Variants in TMEM132B observed in about 807,000 individuals in gnomAD.
TMEM132B encodes transmembrane protein 132B.
A neutral mutation model predicts 90.8 loss-of-function variants in TMEM132B; 18 were observed. The observed-to-expected ratio is 0.20, with a 90% CI of 0.14 to 0.29. The LOEUF is 0.29. TMEM132B is among the 10% of genes least tolerant of loss of function. TMEM132B has a pLI of 1.00. For synonymous variants in TMEM132B, 504 were observed against 523.3 expected, an observed-to-expected ratio of 0.96 and a Z score of 0.50; for missense variants, 1,096 against 1,326.8, an observed-to-expected ratio of 0.83 and a Z score of 2.70.
At chr12:125,197,489 C>T (rs79020237) in intron 1 of TMEM132B, among the ~76,000 whole-genome samples, 5,953 of 152,260 alleles carry the variant, frequency 0.039, 156 homozygotes, top group African/African-American at 0.065. Flanking sequence ...CCATAGGCCA[C>T]GGACCAAATT....
chr12:125,378,458 T>C (rs1335923715), intron 2 of TMEM132B, among the ~76,000 whole-genome samples: 1 of 152,202 alleles, frequency 6.6e-6, no homozygotes, highest in Non-Finnish European at 1.5e-5. Flanking sequence ...GAGGTAGCTG[T>C]TCTCTGGGCC....
rs186276204 is a variant in TMEM132B at position 125,286,157 on chromosome 12, C to T, written c.68-63295C>T. ...CAGGGATTATTTTATCTTTGTTTGG[C>T]GGATGAGAAGAGAGAAGCACAGAGA... is the stretch of plus-strand genomic sequence containing the variant. On this transcript the variant is annotated intron_variant, in intron 1 of 8. Coordinates refer to ENST00000682704, the MANE Select transcript of TMEM132B (RefSeq NM_001366854.1). Among the ~76,000 whole-genome samples, 66 of 152,328 alleles carry T rather than the reference C, an allele frequency of 4.3e-4. 1 individual carries two copies. The East Asian group carries it at 8.9e-3, about 20-fold the overall frequency.
chr12:125,427,943 G>A (rs1035246991), intron 3 of TMEM132B, among the ~76,000 whole-genome samples: 1 of 152,236 alleles, frequency 6.6e-6, no homozygotes, highest in African/African-American at 2.4e-5. Context: ...TTCTGATGGG[G>A]TGTTGAAGAA....
At chr12:125,644,303 T>C (rs1366006409) in intron 6 of TMEM132B, 22 bp downstream of exon 6, 2 of 1,612,810 alleles carry the variant, frequency 1.2e-6, no homozygotes, top group Admixed American at 1.7e-5. Flanking sequence ...AAGAGAAGGC[T>C]GTGGATCCGA....
intron 4 of TMEM132B, among the ~76,000 whole-genome samples, chr12:125,565,604 G>A (rs1165327627): frequency 6.6e-6 from 1 of 152,224 alleles, no homozygotes; most frequent in African/African-American, 2.4e-5. Flanking sequence ...CAGGATGGGT[G>A]GGGAGCTGGA....
At chr12:125,342,212 G>A (rs1877205483) in intron 1 of TMEM132B, among the ~76,000 whole-genome samples, 1 of 152,126 alleles carries the variant, frequency 6.6e-6, no homozygotes, top group Admixed American at 6.5e-5. Context: ...GGACCAAGAA[G>A]GAATTATGGA....
intron 1 of TMEM132B, among the ~76,000 whole-genome samples, chr12:125,347,615 T>G (rs1480818222): frequency 6.6e-6 from 1 of 152,256 alleles, no homozygotes; most frequent in African/African-American, 2.4e-5. Flanking sequence ...GGGATTTCTC[T>G]GCTGTTTCCT....
intron 5 of TMEM132B, among the ~76,000 whole-genome samples, chr12:125,589,679 C>T (rs1437441389): frequency 6.6e-6 from 1 of 151,952 alleles, no homozygotes; most frequent in Non-Finnish European, 1.5e-5. Context: ...ATGGCAGGAG[C>T]AGGAGCAAGC....
intron 1 of TMEM132B, among the ~76,000 whole-genome samples, chr12:125,293,439 A>C (rs4765038): frequency 0.76 from 115,616 of 152,090 alleles, 44,198 homozygotes; most frequent in East Asian, 0.81. Flanking sequence ...GTTTTTCAGC[A>C]ATTGTTCCTC....
intron 1 of TMEM132B, among the ~76,000 whole-genome samples, chr12:125,254,467 GGTTTTGCTTGTAAGTT>G: frequency 6.6e-6 from 1 of 152,102 alleles, no homozygotes; most frequent in Non-Finnish European, 1.5e-5. Context: ...GTTTCCTTGA[GGTTTTGCTTGTAAGTT>G]GGTTAGTTTT....
chr12:125,628,891 T>G (rs903778271), intron 5 of TMEM132B, among the ~76,000 whole-genome samples: 2 of 152,196 alleles, frequency 1.3e-5, no homozygotes, highest in African/African-American at 4.8e-5. Context: ...CCCAGCACCA[T>G]TTATTGAAGA....
intron 3 of TMEM132B, among the ~76,000 whole-genome samples, chr12:125,515,246 T>TCA (rs144097093): frequency 8.0e-5 from 12 of 150,768 alleles, no homozygotes; most frequent in East Asian, 7.9e-4. Context: ...ACATGCATTC[T>TCA]CACACACACA....
In TMEM132B at chr12:125,492,552, G is replaced by T. The variant is rs966358752; in HGVS notation, c.1107-26887G>T. 6.6e-6 allele frequency among the ~76,000 whole-genome samples: 1 copy of T among 152,140 alleles called. No homozygotes were observed. Among genetic ancestry groups the T allele is most frequent in the African/African-American group, 2.4e-5 (1 of 41,430 alleles). ...CCCAGCCAGCTTCCTGCACAGGGCGGACAGGAGCCAGGACTCCTGGAGGCA... is the reference window on the plus strand; with the variant it reads ...CCCAGCCAGCTTCCTGCACAGGGCGTACAGGAGCCAGGACTCCTGGAGGCA... On this transcript the variant is annotated intron_variant, in intron 3 of 8. Coordinates refer to ENST00000682704, the MANE Select transcript of TMEM132B (RefSeq NM_001366854.1). The surrounding 1 kb of genome is among the most constrained non-coding windows in gnomAD (Gnocchi z 5.8).
intron 1 of TMEM132B, among the ~76,000 whole-genome samples, chr12:125,263,073 C>G (rs918426078): frequency 2.0e-5 from 3 of 152,198 alleles, no homozygotes; most frequent in African/African-American, 7.2e-5. Flanking sequence ...TAGAACTGCT[C>G]GTTCCTTCTC....
At chr12:125,582,373 G>A (rs1269030313) in intron 4 of TMEM132B, among the ~76,000 whole-genome samples, 1 of 151,796 alleles carries the variant, frequency 6.6e-6, no homozygotes, top group African/African-American at 2.4e-5. Flanking sequence ...TAGAGAGTGC[G>A]GGGCCGACTA....
chr12:125,207,900 C>A (rs1191740670), intron 1 of TMEM132B, among the ~76,000 whole-genome samples: 1 of 152,162 alleles, frequency 6.6e-6, no homozygotes, highest in Non-Finnish European at 1.5e-5. Flanking sequence ...GAATTTCCTC[C>A]CTTTTTAAGA....
At chr12:125,297,021 A>G (rs914299394) in intron 1 of TMEM132B, among the ~76,000 whole-genome samples, 3 of 152,150 alleles carry the variant, frequency 2.0e-5, no homozygotes, top group Non-Finnish European at 4.4e-5. Context: ...CTTCTGAGAG[A>G]GCAGAGCAGT....
intron 1 of TMEM132B, among the ~76,000 whole-genome samples, chr12:125,313,947 A>C (rs1456537387): frequency 1.3e-5 from 2 of 151,730 alleles, no homozygotes; most frequent in Admixed American, 1.3e-4. Context: ...CCTCTCTGTC[A>C]GGACATCTCT....
At chr12:125,220,599 G>A (rs150186914) in intron 1 of TMEM132B, among the ~76,000 whole-genome samples, 143 of 152,344 alleles carry the variant, frequency 9.4e-4, no homozygotes, top group African/African-American at 3.4e-3. Flanking sequence ...AAGCTGATCA[G>A]GCTTGGGTTT....
Sources: allele counts gnomAD v4.1 joint callset (sites outside exome capture counted in the v4.1 genomes callset), GRCh38; gene constraint gnomAD v4.1.1; non-coding constraint Gnocchi (gnomAD v3.1); transcripts MANE v1.5; gene names NCBI Gene and HGNC (gene_info 2026-07-23, HGNC 2026-07-21).